Variants in PDPN observed in about 807,000 individuals in gnomAD.
PDPN encodes the protein podoplanin.
PDPN carries 12 observed loss-of-function variants against 23.2 expected under a neutral mutation model. The observed-to-expected ratio is 0.52, with a 90% confidence interval of 0.33 to 0.84. PDPN has a LOEUF of 0.84. Ranked by LOEUF, PDPN falls within the 40% of genes least tolerant of loss-of-function variation. The pLI is 0.02. For missense variants in PDPN, 199 were observed against 212.2 expected (o/e 0.94, Z 0.39); for synonymous variants, 77 against 76.7 (o/e 1.00, Z -0.02).
intron 1 of PDPN, among the ~76,000 whole-genome samples, chr1:13,589,942 C>T (rs547533664): frequency 1.3e-5 from 2 of 152,222 alleles, no homozygotes; most frequent in Non-Finnish European, 2.9e-5. Flanking sequence ...ATTCTCCTGC[C>T]TCAGCCTCCC....
intron 1 of PDPN, chr1:13,584,440 G>A (rs1334386206): frequency 1.2e-6 from 1 of 810,282 alleles, no homozygotes; most frequent in South Asian, 1.9e-5. Flanking sequence ...GCAGTGGCTG[G>A]GGTTTCCTTC....
rs1641062895 is a variant in PDPN at position 13,615,979 on chromosome 1, T to G, written c.*68T>G. The G allele has an allele frequency of 6.8e-7, 1 of 1,468,946 alleles. No individual in the cohort carries two copies. The highest frequency in any genetic ancestry group is 9.5e-7 in the Non-Finnish European group (1 of 1,047,980). 91.0% of individuals were successfully genotyped at this position (1,468,946 alleles called of 1,614,324 possible). A position where few individuals can be genotyped will look rare whatever the true frequency, so the allele number is the denominator to read the frequency against. ...AGACCGTTTCTGACTCTGTGCCCTG[T>G]CCCTGAGCTCGTGGGAGAAGATGAC... On this transcript the variant is annotated 3_prime_UTR_variant, in exon 6 of 6. Transcript: ENST00000621990.
chr1:13,585,523 C>T (rs1006086495), intron 1 of PDPN: 27 of 1,350,292 alleles, frequency 2.0e-5, no homozygotes, highest in South Asian at 1.5e-4. Context: ...AGCAAGGGAG[C>T]GCCCTCACTT....
chr1:13,601,966 C>T (rs1299454338), intron 1 of PDPN, among the ~76,000 whole-genome samples: 2 of 132,674 alleles, frequency 1.5e-5, no homozygotes, highest in African/African-American at 2.7e-5. Context: ...AGGCCGGGTG[C>T]GGTGGCTCAT....
In PDPN at chr1:13,617,956, A is replaced by G. The variant is rs1641122203; in HGVS notation, c.*2045A>G. On this transcript the variant is annotated 3_prime_UTR_variant, in exon 6 of 6. Coordinates refer to ENST00000621990, the MANE Select transcript of PDPN (RefSeq NM_006474.5). ...TCAAATAAAACAAATGATTGTGTAC[A>G]ACAATGAGTCAGACTTTTGTTGGAA... The G allele has an allele frequency of 6.6e-6, 1 of 152,142 alleles. No homozygotes were observed. Among genetic ancestry groups the G allele is most frequent in the South Asian group, 2.1e-4 (1 of 4,828 alleles). 9.4% of individuals were successfully genotyped at this position (152,142 alleles called of 1,614,324 possible).
chr1:13,584,257 AGG>A, intron 1 of PDPN, 157 bp downstream of exon 1: 2 of 1,514,638 alleles, frequency 1.3e-6, no homozygotes, highest in Non-Finnish European at 1.8e-6. Context: ...GGAGGAGGAG[AGG>A]CAGCGGCTTA....
rs1641060480 is a variant in PDPN, at chr1:13,615,897, T to C, written c.483-8T>C. ...AGACACGACCGTCACCCTTCTCTAT[T>C]TTCACAGGCCCTAAAGAGCTGAAGG... On this transcript the variant is annotated splice_region_variant and splice_polypyrimidine_tract_variant and intron_variant, in intron 5 of 5. Transcript: ENST00000621990. The C allele has an allele frequency of 6.2e-7, 1 of 1,613,150 alleles. No individual in the cohort carries two copies. Among genetic ancestry groups the C allele is most frequent in the African/African-American group, 1.3e-5 (1 of 74,890 alleles).
intron 3 of PDPN, among the ~76,000 whole-genome samples, chr1:13,611,864 G>C (rs914392725): frequency 6.6e-6 from 1 of 152,134 alleles, no homozygotes; most frequent in Admixed American, 6.6e-5. Flanking sequence ...AAGCCAAGTT[G>C]AGCTAAGCAA....
chr1:13,595,008 A>AT (rs1259883155), intron 1 of PDPN, among the ~76,000 whole-genome samples: 3 of 149,444 alleles, frequency 2.0e-5, no homozygotes, highest in Middle Eastern at 3.4e-3. Flanking sequence ...AAAAAAAAAA[A>AT]GAAAGAAAGA....
Position 13,607,153 on chromosome 1 carries a change from A to G in PDPN, c.68-20A>G, listed in dbSNP as rs1216803432. 1.2e-6 allele frequency: 2 copies of G among 1,611,428 alleles called. No individual in the cohort carries two copies. The highest frequency in any genetic ancestry group is 2.7e-5 in the African/African-American group (2 of 74,766). ...TATGCAATTTCCACCTTAAGCTCTG[A>G]CTCAATCTTTCTTCTTCAGCCAGCA... On this transcript the variant is annotated intron_variant, in intron 1 of 5. Coordinates refer to ENST00000621990, the MANE Select transcript of PDPN (RefSeq NM_006474.5).
intron 3 of PDPN, among the ~76,000 whole-genome samples, chr1:13,611,935 C>G (rs1466963549): frequency 6.6e-6 from 1 of 152,172 alleles, no homozygotes; most frequent in Admixed American, 6.5e-5. Flanking sequence ...GAGAATTGCT[C>G]ATTTGTAACG....
At chr1:13,598,729 C>T (rs1425969837) in intron 1 of PDPN, among the ~76,000 whole-genome samples, 1 of 152,162 alleles carries the variant, frequency 6.6e-6, no homozygotes, top group Non-Finnish European at 1.5e-5. Context: ...CCGTGCAGCG[C>T]CCCATGCTCG....
At chr1:13,585,030 C>G (rs903610351) in intron 1 of PDPN, among the ~76,000 whole-genome samples, 1 of 152,194 alleles carries the variant, frequency 6.6e-6, no homozygotes, top group African/African-American at 2.4e-5. Context: ...CAGGACGCAG[C>G]TACATCCAGC....
At chr1:13,612,972 A>C (rs761337476) in intron 3 of PDPN, among the ~76,000 whole-genome samples, 30 of 150,014 alleles carry the variant, frequency 2.0e-4, no homozygotes, top group Non-Finnish European at 1.8e-4. Context: ...CGTTATATAA[A>C]GAGGTCAAGA....
chr1:13,603,667 C>T (rs1240529684), intron 1 of PDPN, among the ~76,000 whole-genome samples: 1 of 151,546 alleles, frequency 6.6e-6, no homozygotes, highest in Non-Finnish European at 1.5e-5. Context: ...CAGCTCCCTG[C>T]AACCTCCGCC....
chr1:13,609,616 A>G (rs1640882434), intron 2 of PDPN, among the ~76,000 whole-genome samples: 2 of 152,074 alleles, frequency 1.3e-5, no homozygotes, highest in Non-Finnish European at 2.9e-5. Context: ...CCTGGCAGCC[A>G]CTGTTCTACT....
intron 1 of PDPN, chr1:13,585,678 G>A (rs1212029194): frequency 7.5e-7 from 1 of 1,332,312 alleles, no homozygotes; most frequent in Admixed American, 1.9e-5. Flanking sequence ...AAAAACCATC[G>A]TTGGTGCTGG....
upstream of PDPN, chr1:13,583,787 G>A: frequency 1.3e-6 from 2 of 1,515,612 alleles, no homozygotes; most frequent in South Asian, 1.3e-5. Flanking sequence ...CCGCTCCCCC[G>A]CCTCCTCGGG....
chr1:13,599,716 T>A (rs1406507301), intron 1 of PDPN, among the ~76,000 whole-genome samples: 1 of 152,154 alleles, frequency 6.6e-6, no homozygotes, highest in Non-Finnish European at 1.5e-5. Context: ...ACTCCAAGAG[T>A]ACTCTAGTCC....
Sources: allele counts gnomAD v4.1 joint callset (sites outside exome capture counted in the v4.1 genomes callset), GRCh38; gene constraint gnomAD v4.1.1; transcripts MANE v1.5; gene names NCBI Gene and HGNC (gene_info 2026-07-23, HGNC 2026-07-21).